Variants in TBC1D5 observed in about 807,000 individuals in gnomAD.
The protein encoded by TBC1D5 is TBC1 domain family, member 5.
Under a neutral mutation model 100.3 loss-of-function variants are expected in TBC1D5, and 75 were observed. That is an observed-to-expected ratio of 0.75 (90% CI 0.62 to 0.91). The LOEUF is 0.91. Ranked by LOEUF, TBC1D5 falls within the 40% of genes least tolerant of loss-of-function variation. The pLI is 0.00. For missense variants in TBC1D5, 910 were observed against 942.4 expected (o/e 0.97, Z 0.45); for synonymous variants, 323 against 325.6 (o/e 0.99, Z 0.09).
intron 16 of TBC1D5, among the ~76,000 whole-genome samples, chr3:17,247,594 A>C (rs2076842907): frequency 6.6e-6 from 1 of 152,104 alleles, no homozygotes; most frequent in Non-Finnish European, 1.5e-5. Context: ...TGGTTGTGGC[A>C]ATTTCTTAAA....
At chr3:17,669,600 A>C (rs955082874) in intron 1 of TBC1D5, among the ~76,000 whole-genome samples, 3 of 152,180 alleles carry the variant, frequency 2.0e-5, no homozygotes, top group African/African-American at 4.8e-5. Flanking sequence ...TCCTTGGTAA[A>C]ATAAGGATAG....
At chr3:17,690,644 G>C (rs2071010116) in intron 1 of TBC1D5, among the ~76,000 whole-genome samples, 1 of 152,202 alleles carries the variant, frequency 6.6e-6, no homozygotes, top group Non-Finnish European at 1.5e-5. Context: ...CCTCCTGTCA[G>C]AACAGCAGTG....
chr3:17,336,402 AT>A (rs1349496968), intron 13 of TBC1D5, among the ~76,000 whole-genome samples: 4 of 152,066 alleles, frequency 2.6e-5, no homozygotes. Flanking sequence ...TATCTTACAT[AT>A]AAAGTTTATT....
chr3:17,221,228 G>C (rs1420089714), intron 17 of TBC1D5, among the ~76,000 whole-genome samples: 1 of 152,038 alleles, frequency 6.6e-6, no homozygotes, highest in Non-Finnish European at 1.5e-5. Flanking sequence ...TTGAGATGGA[G>C]AGAGTATCTT....
chr3:17,571,716 T>C (rs2096628414), intron 2 of TBC1D5, among the ~76,000 whole-genome samples: 1 of 152,042 alleles, frequency 6.6e-6, no homozygotes, highest in African/African-American at 2.4e-5. Flanking sequence ...GGCAGAATAT[T>C]GGACCAACAA....
At chr3:17,354,615 G>A (rs2091015727) in intron 13 of TBC1D5, among the ~76,000 whole-genome samples, 1 of 151,840 alleles carries the variant, frequency 6.6e-6, no homozygotes, top group Non-Finnish European at 1.5e-5. Context: ...TATTGAGTGA[G>A]CGATGAAAAC....
intron 1 of TBC1D5, among the ~76,000 whole-genome samples, chr3:17,632,809 T>C (rs2063606413): frequency 6.6e-6 from 1 of 152,180 alleles, no homozygotes; most frequent in Non-Finnish European, 1.5e-5. Flanking sequence ...TACATTTATA[T>C]ACTATAATAT....
chr3:17,387,399 AT>A (rs11358924), intron 8 of TBC1D5, among the ~76,000 whole-genome samples: 74,664 of 151,798 alleles, frequency 0.49, 19,821 homozygotes, highest in African/African-American at 0.67. Context: ...GTAAAATTCC[AT>A]TGACTTTAGA....
At chr3:17,620,901 G>A (rs964851263) in intron 2 of TBC1D5, among the ~76,000 whole-genome samples, 1 of 152,162 alleles carries the variant, frequency 6.6e-6, no homozygotes, top group Non-Finnish European at 1.5e-5. Context: ...AAGTAATTAT[G>A]AGAACAGTAT....
chr3:17,271,347 C>T (rs2079404571), intron 15 of TBC1D5, among the ~76,000 whole-genome samples: 1 of 151,968 alleles, frequency 6.6e-6, no homozygotes, highest in South Asian at 2.1e-4. Flanking sequence ...GGAAGATGTA[C>T]TCCTAGATAC....
chr3:17,695,718 G>C (rs1423096825), intron 1 of TBC1D5, among the ~76,000 whole-genome samples: 1 of 152,098 alleles, frequency 6.6e-6, no homozygotes, highest in African/African-American at 2.4e-5. Context: ...AGATATCTAG[G>C]ACTTGAACTC....
chr3:17,485,846 G>A (rs987486074), intron 3 of TBC1D5, among the ~76,000 whole-genome samples: 3 of 151,916 alleles, frequency 2.0e-5, no homozygotes, highest in Non-Finnish European at 2.9e-5. Flanking sequence ...TAGTCCTTTG[G>A]GTATATACCC....
intron 19 of TBC1D5, among the ~76,000 whole-genome samples, chr3:17,180,819 A>C (rs1039705857): frequency 1.3e-5 from 2 of 151,902 alleles, no homozygotes; most frequent in South Asian, 2.1e-4. Context: ...GGTACAATGT[A>C]CACTATTTGG....
intron 2 of TBC1D5, among the ~76,000 whole-genome samples, chr3:17,618,751 A>G (rs2062401982): frequency 6.6e-6 from 1 of 152,200 alleles, no homozygotes; most frequent in Non-Finnish European, 1.5e-5. Context: ...TACTAAGGCC[A>G]TGGGAAAATC....
At chr3:17,277,075 C>A (rs1472075186) in intron 15 of TBC1D5, among the ~76,000 whole-genome samples, 1 of 152,204 alleles carries the variant, frequency 6.6e-6, no homozygotes, top group Non-Finnish European at 1.5e-5. Context: ...CACGGAAACA[C>A]TGGGTTTCAT....
intron 2 of TBC1D5, among the ~76,000 whole-genome samples, chr3:17,602,864 C>T (rs561240324): frequency 7.9e-5 from 12 of 152,136 alleles, no homozygotes; most frequent in African/African-American, 1.2e-4. Context: ...CATGAGCCAC[C>T]GTGCCCGGCC....
chr3:17,561,115 G>A (rs544753769), intron 2 of TBC1D5, among the ~76,000 whole-genome samples: 13 of 152,206 alleles, frequency 8.5e-5, no homozygotes, highest in Admixed American at 5.2e-4. Context: ...TTCTGCAGTG[G>A]CTGGCAAAGT....
chr3:17,671,420 C>T (rs772264839), intron 1 of TBC1D5, among the ~76,000 whole-genome samples: 34 of 152,188 alleles, frequency 2.2e-4, no homozygotes, highest in Non-Finnish European at 3.1e-4. Flanking sequence ...AAACCTCAAG[C>T]ATCATCATCT....
intron 8 of TBC1D5, among the ~76,000 whole-genome samples, chr3:17,397,412 C>T (rs776005964): frequency 1.1e-4 from 17 of 152,066 alleles, no homozygotes; most frequent in East Asian, 5.8e-4. Context: ...CACTCTTTTA[C>T]CCAGGCTGGA....
Sources: gnomAD v4.1 joint callset for allele counts (sites outside exome capture counted in the v4.1 genomes callset) on GRCh38, gnomAD v4.1.1 for gene constraint, MANE v1.5 for transcripts, NCBI Gene and HGNC (gene_info 2026-07-23, HGNC 2026-07-21) for gene names.